The following ERO1A variants were observed in gnomAD, a reference collection of about 807,000 sequenced individuals.
ERO1A encodes endoplasmic reticulum oxidoreductase 1 alpha.
Under a neutral mutation model 76.9 loss-of-function variants are expected in ERO1A, and 49 were observed. That is an observed-to-expected ratio of 0.64 (90% confidence interval 0.51 to 0.81). ERO1A has a LOEUF of 0.81. Ranked by LOEUF, ERO1A falls within the 30% of genes least tolerant of loss-of-function variation. The pLI is 0.00. For synonymous variants in ERO1A, 174 were observed against 181.2 expected, an observed-to-expected ratio of 0.96 and a Z score of 0.32; for missense variants, 448 against 542.1, an observed-to-expected ratio of 0.83 and a Z score of 1.72.
chr14:52,695,106 A>G (rs2041505187), intron 1 of ERO1A, among the ~76,000 whole-genome samples: 1 of 152,218 alleles, frequency 6.6e-6, no homozygotes, highest in Non-Finnish European at 1.5e-5. Flanking sequence ...ACAAAGATGC[A>G]TAAACCCACT....
At chr14:52,658,380 G>T in intron 9 of ERO1A, 2 of 459,856 alleles carry the variant, frequency 4.3e-6, no homozygotes, top group Non-Finnish European at 7.8e-6. Context: ...ATTGCCTTAG[G>T]TTGACCCAGT....
intron 6 of ERO1A, 81 bp downstream of exon 6, chr14:52,671,549 T>C: frequency 1.1e-6 from 1 of 951,926 alleles, no homozygotes; most frequent in Non-Finnish European, 1.6e-6. Flanking sequence ...CACACCACCA[T>C]GCCCAGATTA....
rs573151374 is a variant in ERO1A, at chr14:52,659,028, G to A, written c.689-878C>T. Among the ~76,000 whole-genome samples the A allele has an allele frequency of 2.3e-4, 35 of 152,082 alleles. No individual in the cohort carries two copies. In the South Asian group the frequency reaches 7.3e-3, roughly 32 times the overall value. On this transcript the variant is annotated intron_variant, in intron 9 of 15. Coordinates refer to ENST00000395686, the MANE Select transcript of ERO1A (RefSeq NM_014584.3). ...GGCAAAGGGAATAAGCAATAAACTG[G>A]AATATATAAAAACTCAAAACATCTA...
At chr14:52,680,511 A>G (rs1262603361) in intron 3 of ERO1A, among the ~76,000 whole-genome samples, 3 of 152,214 alleles carry the variant, frequency 2.0e-5, no homozygotes, top group Non-Finnish European at 2.9e-5. Flanking sequence ...ACTGTAAAGT[A>G]TTTGTATTTT....
At chr14:52,664,937 C>T (rs1014904119) in intron 7 of ERO1A, among the ~76,000 whole-genome samples, 2 of 152,018 alleles carry the variant, frequency 1.3e-5, no homozygotes, top group Non-Finnish European at 2.9e-5. Flanking sequence ...GTGATCCGCC[C>T]GCCTTGGCCT....
At chr14:52,667,902 C>T (rs867558328) in intron 6 of ERO1A, among the ~76,000 whole-genome samples, 20 of 151,692 alleles carry the variant, frequency 1.3e-4, no homozygotes, top group South Asian at 4.2e-4. Flanking sequence ...GCTTAGAGTC[C>T]ATCAAGCTCT....
intron 11 of ERO1A, among the ~76,000 whole-genome samples, chr14:52,657,411 G>A (rs138914821): frequency 2.0e-5 from 3 of 152,200 alleles, no homozygotes; most frequent in African/African-American, 7.2e-5. Context: ...ATCAATCAAT[G>A]AATAAAATGG....
chr14:52,643,458 A>G lies in ERO1A; in HGVS notation c.*112T>C. The G allele has an allele frequency of 6.1e-6, 4 of 660,932 alleles. No homozygotes were observed. The highest frequency in any genetic ancestry group is 3.4e-5 in the East Asian group (1 of 29,580). 40.9% of individuals were successfully genotyped at this position (660,932 alleles called of 1,614,324 possible). On this transcript the variant is annotated 3_prime_UTR_variant, in exon 16 of 16. Coordinates refer to ENST00000395686, the MANE Select transcript of ERO1A (RefSeq NM_014584.3). Reference sequence around the variant, plus strand: ...CAATATAATTCTCCTTTACAAAAGCAACTTTATATAAAATGTTTGGCTTAA... The same window carrying G: ...CAATATAATTCTCCTTTACAAAAGCGACTTTATATAAAATGTTTGGCTTAA...
At chr14:52,665,087 A>G (rs2040365267) in intron 7 of ERO1A, among the ~76,000 whole-genome samples, 1 of 151,830 alleles carries the variant, frequency 6.6e-6, no homozygotes. Context: ...GGATCACCTG[A>G]GGTCAGGAGT....
At chr14:52,666,267 C>CTTTTG (rs2040407404) in intron 7 of ERO1A, 108 bp downstream of exon 7, 1 of 831,838 alleles carries the variant, frequency 1.2e-6, no homozygotes, top group African/African-American at 1.7e-5. Flanking sequence ...ACAAACACAT[C>CTTTTG]TTTTAACAAA....
At chr14:52,662,192 A>T (rs536534727) in intron 8 of ERO1A, among the ~76,000 whole-genome samples, 1 of 152,264 alleles carries the variant, frequency 6.6e-6, no homozygotes, top group African/African-American at 2.4e-5. Flanking sequence ...AATTGTTCCT[A>T]TGTATCTTTA....
At chr14:52,667,108 T>C (rs748617606) in intron 6 of ERO1A, among the ~76,000 whole-genome samples, 1 of 152,222 alleles carries the variant, frequency 6.6e-6, no homozygotes, top group Non-Finnish European at 1.5e-5. Context: ...TAACATACAT[T>C]TCCCTCCACA....
In ERO1A at chr14:52,652,292, A is replaced by C. The variant is rs1234909513; in HGVS notation, c.1072T>G (p.Phe358Val). ...CCAGCAAAAAATGAATTCTCATCAA[A>C]ATGCAAAGGAAATGACCTGCGTTTT... ...LHEIKSFPLHFDENSFFAGDK... is the reference protein window; with the variant it reads ...LHEIKSFPLHVDENSFFAGDK... The change falls in exon 13 of 16, where the codon TTT becomes GTT. Residue 358 changes from phenylalanine to valine, a missense_variant. Physicochemically the swap from Phe to Val is conservative, Grantham distance 50. Transcript: ENST00000395686. The C allele has an allele frequency of 1.9e-6, 3 of 1,610,520 alleles. No individual in the cohort carries two copies. Among genetic ancestry groups the C allele is most frequent in the African/African-American group, 1.3e-5 (1 of 74,846 alleles).
At chr14:52,658,804 G>A (rs2139668117) in intron 9 of ERO1A, among the ~76,000 whole-genome samples, 1 of 152,126 alleles carries the variant, frequency 6.6e-6, no homozygotes, top group African/African-American at 2.4e-5. Context: ...AAAATAGCAA[G>A]AATGTAGAAC....
chr14:52,681,475 C>T (rs980257581), intron 3 of ERO1A, among the ~76,000 whole-genome samples: 2 of 152,000 alleles, frequency 1.3e-5, no homozygotes, highest in Non-Finnish European at 2.9e-5. Flanking sequence ...TGGTGGCACA[C>T]ACCTGTAATC....
intron 6 of ERO1A, among the ~76,000 whole-genome samples, chr14:52,668,476 C>CA (rs1333571363): frequency 6.6e-6 from 1 of 151,686 alleles, no homozygotes; most frequent in Non-Finnish European, 1.5e-5. Flanking sequence ...ACCCGGGAGA[C>CA]AGAGGTTACA....
In ERO1A at chr14:52,695,466, C is replaced by T; in HGVS notation, c.16G>A (p.Gly6Arg). 1.3e-6 allele frequency: 2 copies of T among 1,532,664 alleles called. No homozygotes were observed. The highest frequency in any genetic ancestry group is 1.8e-6 in the Non-Finnish European group (2 of 1,138,574). 94.9% of individuals were successfully genotyped at this position (1,532,664 alleles called of 1,614,324 possible). A position where few individuals can be genotyped will look rare whatever the true frequency, so the allele number is the denominator to read the frequency against. The change falls in exon 1 of 16, where the codon GGA becomes AGA. Residue 6 changes from glycine (G) to arginine (R), a missense_variant. Transcript: ENST00000395686. MGRGWGFLFGLLGAVW... is the reference protein window; with the variant it reads MGRGWRFLFGLLGAVW... ...GCGCCCAGGAGGCCAAACAAGAATC[C>T]CCAGCCGCGGCCCATTGCAGCTCCG...
Position 52,646,147 on chromosome 14 carries a change from A to C in ERO1A, c.1346+7T>G. 6.2e-7 allele frequency: 1 copy of C among 1,606,642 alleles called. No individual in the cohort carries two copies. ...TACCAGAAGCATTTCAGTACATTCA[A>C]ACTAACCTTCCAAATGCGTTGAATA... On this transcript the variant is annotated splice_region_variant and intron_variant, in intron 15 of 15. Transcript: ENST00000395686.
intron 4 of ERO1A, among the ~76,000 whole-genome samples, chr14:52,674,158 C>T (rs2040702292): frequency 6.6e-6 from 1 of 152,170 alleles, no homozygotes; most frequent in Non-Finnish European, 1.5e-5. Flanking sequence ...TTTCCTTCAA[C>T]AGAATGAACT....
Sources: allele counts gnomAD v4.1 joint callset (sites outside exome capture counted in the v4.1 genomes callset), GRCh38; gene constraint gnomAD v4.1.1; transcripts MANE v1.5; gene names NCBI Gene and HGNC (gene_info 2026-07-23, HGNC 2026-07-21).